TUBB8: variants seen among roughly 807,000 people sequenced by gnomAD.
The protein encoded by TUBB8 is tubulin beta 8 class VIII.
A neutral mutation model predicts 33.7 loss-of-function variants in TUBB8; 25 were observed. That is an observed-to-expected ratio of 0.74 (90% CI 0.54 to 1.04). TUBB8 has a LOEUF of 1.04. Ranked by LOEUF, TUBB8 falls within the 50% of genes least tolerant of loss-of-function variation. The probability of loss-of-function intolerance (pLI) is 0.00; values close to 1 mark genes in which losing one functional copy is unlikely to be tolerated. For synonymous variants in TUBB8, 245 were observed against 240.1 expected, an observed-to-expected ratio of 1.02 and a Z score of -0.19; for missense variants, 279 against 608.0, an observed-to-expected ratio of 0.46 and a Z score of 5.69.
chr10:71,439 G>A (rs534024585), intron 1 of TUBB8, among the ~76,000 whole-genome samples: 8 of 151,538 alleles, frequency 5.3e-5, no homozygotes, highest in African/African-American at 1.9e-4. Context: ...TTCGAGACAA[G>A]CCTGACCAAT....
chr10:71,787 A>C (rs1470419390), intron 1 of TUBB8, among the ~76,000 whole-genome samples: 1 of 148,280 alleles, frequency 6.7e-6, no homozygotes, highest in East Asian at 2.0e-4. Context: ...GCTGGTGCCT[A>C]TAGTCCAAGC....
intron 1 of TUBB8, among the ~76,000 whole-genome samples, chr10:66,327 CAACA>C (rs1271407725): frequency 1.3e-5 from 2 of 152,196 alleles, no homozygotes; most frequent in African/African-American, 2.4e-5. Context: ...CAGACACCAG[CAACA>C]AACAACATGA....
upstream of TUBB8, among the ~76,000 whole-genome samples, chr10:75,623 C>A (rs1361663809): frequency 3.4e-5 from 5 of 146,588 alleles, no homozygotes; most frequent in Admixed American, 6.9e-5. Flanking sequence ...CCACTGCACT[C>A]CAGCCTGGGT....
chr10:72,220 T>C (rs1227621172), intron 1 of TUBB8, among the ~76,000 whole-genome samples: 13,248 of 112,436 alleles, frequency 0.12, no homozygotes, highest in African/African-American at 0.25. Context: ...AGCTAAACTC[T>C]GTCTCAAAAA....
At chr10:70,425 C>A (rs1281956274) in intron 1 of TUBB8, among the ~76,000 whole-genome samples, 2 of 151,762 alleles carry the variant, frequency 1.3e-5, no homozygotes, top group African/African-American at 2.4e-5. Context: ...TAATGCTATC[C>A]CTCCCCACTC....
chr10:67,036 G>C (rs181496408), intron 1 of TUBB8, among the ~76,000 whole-genome samples: 3 of 152,256 alleles, frequency 2.0e-5, no homozygotes, highest in Admixed American at 6.5e-5. Flanking sequence ...TCAAAATTCA[G>C]TTCCATTGAT....
At chr10:58,633 G>A (rs1236498614) in intron 1 of TUBB8, among the ~76,000 whole-genome samples, 3 of 151,794 alleles carry the variant, frequency 2.0e-5, no homozygotes, top group East Asian at 3.8e-4. Context: ...ACAGAGGGGC[G>A]AGTTACACAC....
chr10:52,797 A>G (rs111989238), upstream of TUBB8, among the ~76,000 whole-genome samples: 1 of 152,240 alleles, frequency 6.6e-6, no homozygotes, highest in Non-Finnish European at 1.5e-5. Flanking sequence ...GACCATAGGT[A>G]TTAACCTTCT....
chr10:50,495 G>A (rs1201418617), upstream of TUBB8, among the ~76,000 whole-genome samples: 5 of 152,002 alleles, frequency 3.3e-5, no homozygotes, highest in East Asian at 1.9e-4. Flanking sequence ...CCTTGGCTGT[G>A]GCATCTACAA....
At chr10:49,037 G>A (rs375330271) in intron 1 of TUBB8, 125 bp from the exon 2 acceptor site, 38 of 929,824 alleles carry the variant, frequency 4.1e-5, no homozygotes, top group African/African-American at 1.3e-4. Flanking sequence ...GGTCCACCCC[G>A]GCCGCCTCGC....
In TUBB8 at chr10:47,075, G is replaced by T. The variant is rs781838823; in HGVS notation, c.1317C>A (p.Ala439=). 1 of 1,200,714 alleles carries T rather than the reference G, an allele frequency of 8.3e-7. No individual in the cohort carries two copies. Among genetic ancestry groups the T allele is most frequent in the Non-Finnish European group, 1.2e-6 (1 of 824,268 alleles). 74.4% of individuals were successfully genotyped at this position (1,200,714 alleles called of 1,614,324 possible). ...TAEEEEDEEY[A]EEEVA is the part of the protein sequence containing the mutation. ...GAGAGTTCTAGGCCACCTCCTCCTC[G>T]GCATACTCCTCATCCTCCTCCTCCT... The change falls in exon 4 of 4, where the codon GCC becomes GCA. Residue 439 remains alanine, a synonymous_variant. Coordinates refer to ENST00000568584, the MANE Select transcript of TUBB8 (RefSeq NM_177987.3).
intron 1 of TUBB8, among the ~76,000 whole-genome samples, chr10:57,153 T>G (rs1171267099): frequency 6.6e-6 from 1 of 152,254 alleles, no homozygotes; most frequent in African/African-American, 2.4e-5. Context: ...CACTAATGCC[T>G]TGGGACGTTT....
rs543089313 is a variant in TUBB8, at chr10:57,343, TGCCCCAGTAGGCA to T, written c.-845-7123_-845-7111del. On this transcript the variant is annotated intron_variant, in intron 1 of 3. Transcript: ENST00000564130. ...CTCTCCTCACAGGTCTACTAGGCCA[TGCCCCAGTAGGCA>T]GCCCACATGGGGACTGTAACTCTAC... Among the ~76,000 whole-genome samples the T allele has an allele frequency of 6.7e-3, 1,014 of 152,290 alleles. 4 individuals are homozygous for T. Among genetic ancestry groups the T allele is most frequent in the African/African-American group, 0.022 (907 of 41,528 alleles).
chr10:56,064 T>C (rs1287430822), intron 1 of TUBB8, among the ~76,000 whole-genome samples: 1 of 152,244 alleles, frequency 6.6e-6, no homozygotes, highest in Non-Finnish European at 1.5e-5. Flanking sequence ...AAGTACAGAT[T>C]GCTTTGGATC....
At chr10:49,887 G>T (rs1307347873), upstream of TUBB8, 1 of 207,760 alleles carries the variant, frequency 4.8e-6, no homozygotes, top group East Asian at 1.3e-4. Flanking sequence ...TTAAAGCTGA[G>T]GACAGGTTTT....
chr10:48,545 C>T, intron 3 of TUBB8, 70 bp downstream of exon 3: 1 of 1,450,492 alleles, frequency 6.9e-7, no homozygotes, highest in Non-Finnish European at 9.7e-7. Flanking sequence ...AGAGGATGAC[C>T]TTAGCACACT....
chr10:70,993 T>C (rs1487046038), intron 1 of TUBB8, among the ~76,000 whole-genome samples: 1 of 151,732 alleles, frequency 6.6e-6, no homozygotes, highest in Non-Finnish European at 1.5e-5. Flanking sequence ...AAGCTTGGAG[T>C]GACCCTTAGA....
intron 1 of TUBB8, among the ~76,000 whole-genome samples, chr10:70,308 G>C (rs1271875432): frequency 1.3e-5 from 2 of 151,486 alleles, no homozygotes; most frequent in African/African-American, 4.9e-5. Context: ...TATACTTTAA[G>C]TTTTAGGGTA....
chr10:53,147 G>C (rs1477561407), upstream of TUBB8, among the ~76,000 whole-genome samples: 1 of 152,080 alleles, frequency 6.6e-6, no homozygotes, highest in Admixed American at 6.5e-5. Context: ...TTATTATTTT[G>C]AGACAGAGTC....
Sources: allele counts gnomAD v4.1 joint callset (sites outside exome capture counted in the v4.1 genomes callset), GRCh38; gene constraint gnomAD v4.1.1; transcripts MANE v1.5; gene names NCBI Gene and HGNC (gene_info 2026-07-23, HGNC 2026-07-21).